NUCB1: variants seen among roughly 807,000 people sequenced by gnomAD.
The protein encoded by NUCB1 is nucleobindin 1, also known as nucleobindin-1.
A neutral mutation model predicts 61.2 loss-of-function variants in NUCB1; 47 were observed. The ratio of observed to expected loss-of-function variants is 0.77; its 90% confidence interval spans 0.61 to 0.98. The LOEUF is 0.98. Ranked by LOEUF, NUCB1 falls within the 50% of genes least tolerant of loss-of-function variation. The pLI is 0.00. For missense variants in NUCB1, 583 were observed against 605.3 expected (o/e 0.96, Z 0.39); for synonymous variants, 234 against 243.1 (o/e 0.96, Z 0.35).
intron 10 of NUCB1, 135 bp from the exon 11 acceptor site, chr19:48,921,019 T>TGGGCTTC: frequency 1.2e-6 from 1 of 852,026 alleles, no homozygotes; most frequent in Non-Finnish European, 1.8e-6. Context: ...ACCTCCCACT[T>TGGGCTTC]GGGCTTCTTT....
intron 2 of NUCB1, among the ~76,000 whole-genome samples, chr19:48,903,024 C>G (rs2037368991): frequency 6.6e-6 from 1 of 151,322 alleles, no homozygotes; most frequent in South Asian, 2.1e-4. Flanking sequence ...CTCACTGCAG[C>G]CTTGAACTCC....
chr19:48,905,768 C>A lies in NUCB1; in HGVS notation c.259C>A (p.Arg87=). 1 of 1,614,050 alleles carries A rather than the reference C, an allele frequency of 6.2e-7. No individual in the cohort carries two copies. Among genetic ancestry groups the A allele is most frequent in the Non-Finnish European group, 8.5e-7 (1 of 1,180,036 alleles). Residue 87 remains arginine (R), a synonymous_variant, in exon 4 of 13, where the codon CGA becomes AGA. Transcript: ENST00000405315. The stretch of plus-strand genomic sequence containing the variant: ...CTCCTGTCAGAGCGGGAAGCTGAGC[C>A]GAGAGCTGGACTTTGTCAGCCACCA... The part of the protein sequence containing the change: ...AEDIKSGKLS[R]ELDFVSHHVR...
At chr19:48,917,909 G>A (rs1165859932) in intron 7 of NUCB1, among the ~76,000 whole-genome samples, 1 of 151,078 alleles carries the variant, frequency 6.6e-6, no homozygotes, top group Non-Finnish European at 1.5e-5. Flanking sequence ...CAAAGTACTG[G>A]GATTACAGGC....
At chr19:48,901,242 G>T (rs1331925626) in intron 2 of NUCB1, 11 of 505,310 alleles carry the variant, frequency 2.2e-5, no homozygotes, top group Middle Eastern at 5.4e-4. Context: ...CATGTTGCTA[G>T]TTCCCAGTAG....
intron 7 of NUCB1, 76 bp from the exon 8 acceptor site, chr19:48,918,650 C>A (rs1265535236): frequency 7.8e-7 from 1 of 1,283,500 alleles, no homozygotes. Context: ...CACATCAGCC[C>A]AAAATTTCTT....
chr19:48,911,024 C>A, intron 4 of NUCB1, 125 bp from the exon 5 acceptor site: 1 of 650,510 alleles, frequency 1.5e-6, no homozygotes, highest in Non-Finnish European at 2.7e-6. Flanking sequence ...CCTGATTGCC[C>A]CAGGTTCAAG....
Position 48,912,726 on chromosome 19 carries a change from C to T in NUCB1, c.481-285C>T, listed in dbSNP as rs551790476. Reference sequence around the variant, plus strand: ...TGACACATGCCTATAATCCCAGCTACTCGAAAGGCCGAGGCAGGAGAATCA... The same window carrying T: ...TGACACATGCCTATAATCCCAGCTATTCGAAAGGCCGAGGCAGGAGAATCA... On this transcript the variant is annotated intron_variant, in intron 5 of 12. Coordinates refer to ENST00000405315, the MANE Select transcript of NUCB1 (RefSeq NM_006184.6). Among the ~76,000 whole-genome samples the T allele has an allele frequency of 6.6e-5, 10 of 151,436 alleles. No individual in the cohort carries two copies. In the East Asian group the frequency reaches 1.8e-3, roughly 27 times the overall value.
rs778236656 is a variant in NUCB1 at position 48,900,790 on chromosome 19, C to T, written c.-7C>T. ...CCAGCCCTCCATCCCCCACAGACCA[C>T]ACTGCCATGCCTCCCTCTGGGCCCC... On this transcript the variant is annotated 5_prime_UTR_variant, in exon 2 of 13. Transcript: ENST00000405315. 108 of 1,613,736 alleles carry T rather than the reference C, an allele frequency of 6.7e-5. No homozygotes were observed. The highest frequency in any genetic ancestry group is 3.3e-4 in the Middle Eastern group (2 of 6,062).
intron 2 of NUCB1, chr19:48,901,213 C>T: frequency 1.8e-6 from 1 of 569,940 alleles, no homozygotes. Context: ...ACAAACAAAA[C>T]TACATTTCCC....
chr19:48,921,147 C>A lies in NUCB1; in HGVS notation c.1003-7C>A. 1 of 1,601,946 alleles carries A rather than the reference C, an allele frequency of 6.2e-7. No individual in the cohort carries two copies. Among genetic ancestry groups the A allele is most frequent in the Non-Finnish European group, 8.5e-7 (1 of 1,172,390 alleles). ...TGCCCCTGATGGCCCCTGTGCCTGC[C>A]CTGCAGACAGTGGAGATGCACCCTG... is the stretch of plus-strand genomic sequence containing the variant. On this transcript the variant is annotated splice_region_variant and splice_polypyrimidine_tract_variant and intron_variant, in intron 10 of 12. Transcript: ENST00000405315.
intron 4 of NUCB1, among the ~76,000 whole-genome samples, chr19:48,907,061 G>A (rs1467030382): frequency 6.6e-6 from 1 of 150,562 alleles, no homozygotes; most frequent in Non-Finnish European, 1.5e-5. Context: ...TGCAAGCTCC[G>A]CCTCCTGGAT....
intron 7 of NUCB1, among the ~76,000 whole-genome samples, chr19:48,917,372 G>A (rs2122202188): frequency 6.6e-6 from 1 of 152,064 alleles, no homozygotes; most frequent in South Asian, 2.1e-4. Context: ...CACCCAGGCT[G>A]GAGTGCAGTG....
At chr19:48,918,942 G>A in intron 8 of NUCB1, 88 bp from the exon 9 acceptor site, 1 of 1,405,384 alleles carries the variant, frequency 7.1e-7, no homozygotes, top group East Asian at 2.4e-5. Flanking sequence ...GTGGTAGCGT[G>A]CCCAAAGGAC....
In NUCB1 at chr19:48,919,080, G is replaced by A. The variant is rs569947634; in HGVS notation, c.867G>A (p.Met289Ile). Residue 289 changes from methionine (M) to isoleucine (I), a missense_variant, in exon 9 of 13, where the codon ATG (methionine) becomes ATA (isoleucine). Met to Ile is a conservative substitution (Grantham distance 10). Coordinates refer to ENST00000405315, the MANE Select transcript of NUCB1 (RefSeq NM_006184.6). ...ATGAGGAGGACGACATGCGGGAGATGGAGGAGGAGCGACTGCGCATGCGGG... is the reference window on the plus strand; with the variant it reads ...ATGAGGAGGACGACATGCGGGAGATAGAGGAGGAGCGACTGCGCATGCGGG... ...PKNEEDDMRE[M>I]EEERLRMREH... 1.9e-6 allele frequency: 3 copies of A among 1,614,194 alleles called. No homozygotes were observed. Among genetic ancestry groups the A allele is most frequent in the African/African-American group, 1.3e-5 (1 of 75,050 alleles).
chr19:48,916,171 C>CGTGTGTGTGTGTGTGTGT lies in NUCB1; in HGVS notation c.758-2544_758-2527dup, dbSNP rs143557740. Among the ~76,000 whole-genome samples, 1,030 of 147,760 alleles carry CGTGTGTGTGTGTGTGTGT rather than the reference C, an allele frequency of 7.0e-3. 14 individuals carry two copies. The highest frequency in any genetic ancestry group is 0.024 in the African/African-American group (970 of 40,298). ...GCAAGTAGAATCTTTTGGTATTTGT[C>CGTGTGTGTGTGTGTGTGT]GTGTGTGTGTGTGTGTGTGTGTGTG... On this transcript the variant is annotated intron_variant, in intron 7 of 12. Coordinates refer to ENST00000405315, the MANE Select transcript of NUCB1 (RefSeq NM_006184.6).
chr19:48,908,648 C>CGTGT (rs58211997), intron 4 of NUCB1, among the ~76,000 whole-genome samples: 12,836 of 86,334 alleles, frequency 0.15, 1,320 homozygotes, highest in Non-Finnish European at 0.16. Flanking sequence ...TCTAGCTGCC[C>CGTGT]GTGTGTGTGT....
In NUCB1 at chr19:48,911,193, C is replaced by CT. The variant is rs1378904347; in HGVS notation, c.422dup (p.Asp142GlyfsTer33). 6.2e-7 allele frequency: 1 copy of CT among 1,613,746 alleles called. No individual in the cohort carries two copies. The highest frequency in any genetic ancestry group is 8.5e-7 in the Non-Finnish European group (1 of 1,179,912). ...GAATCTCCTGAAACAGTTTGAACAC[C>CT]TGGACCCTCAGAACCAGCATACATT... is the stretch of plus-strand genomic sequence containing the variant. On this transcript the variant is annotated frameshift_variant, in exon 5 of 13. Transcript: ENST00000405315. LOFTEE classifies it high-confidence loss of function.
chr19:48,920,138 G>C (rs1306039986), intron 10 of NUCB1, among the ~76,000 whole-genome samples: 2 of 151,878 alleles, frequency 1.3e-5, no homozygotes, highest in Non-Finnish European at 2.9e-5. Flanking sequence ...GAAACTCCTG[G>C]ACTCAAGCTA....
At chr19:48,901,405 C>T (rs968816005) in intron 2 of NUCB1, among the ~76,000 whole-genome samples, 1 of 152,170 alleles carries the variant, frequency 6.6e-6, no homozygotes, top group Non-Finnish European at 1.5e-5. Flanking sequence ...GGATTTGGAA[C>T]TTTGGAGATC....
Sources: gnomAD v4.1 joint callset for allele counts (sites outside exome capture counted in the v4.1 genomes callset) on GRCh38, gnomAD v4.1.1 for gene constraint, MANE v1.5 for transcripts, NCBI Gene and HGNC (gene_info 2026-07-23, HGNC 2026-07-21) for gene names.